The following APOL3 variants were observed in gnomAD, a reference collection of about 807,000 sequenced individuals.
The protein encoded by APOL3 is apolipoprotein L3, also known as TNF-inducible protein CG12-1.
APOL3 carries 14 observed loss-of-function variants against 11.6 expected under a neutral mutation model. The ratio of observed to expected loss-of-function variants is 1.21; its 90% CI spans 0.80 to 1.89. The LOEUF is 1.89. Among genes scored for constraint, APOL3 ranks in the 40% most tolerant of loss-of-function variants. The pLI is 0.00. For missense variants in APOL3, 483 were observed against 492.1 expected (o/e 0.98, Z 0.17); for synonymous variants, 192 against 190.6 (o/e 1.01, Z -0.06).
intron 1 of APOL3, among the ~76,000 whole-genome samples, chr22:36,156,340 T>TTAG (rs1203538036): frequency 1.3e-5 from 2 of 152,150 alleles, no homozygotes; most frequent in East Asian, 3.9e-4. Context: ...CGAGGGATCC[T>TTAG]CCTGCATTAG....
intron 1 of APOL3, 74 bp downstream of exon 1, chr22:36,160,595 G>C: frequency 6.7e-7 from 1 of 1,498,226 alleles, no homozygotes; most frequent in South Asian, 1.1e-5. Context: ...ATCTACAAAA[G>C]GTGAATGACC....
At chr22:36,141,592 T>C (rs1412520956) in exon 3 of APOL3, 2 of 1,614,116 alleles carry the variant, frequency 1.2e-6, no homozygotes, top group Non-Finnish European at 1.7e-6. Context: ...TTGGGTGTGA[T>C]GTCACGCATA....
chr22:36,157,130 A>G, intron 1 of APOL3: 3 of 413,542 alleles, frequency 7.3e-6, no homozygotes, highest in South Asian at 5.0e-5. Context: ...CTTTTGTACG[A>G]GGAGAAAGAA....
At chr22:36,153,536 C>A in intron 1 of APOL3, 1 of 397,416 alleles carries the variant, frequency 2.5e-6, no homozygotes, top group Non-Finnish European at 5.2e-6. Context: ...CACCTTGCCA[C>A]TCAACATACG....
At position 36,149,235 on chromosome 22, in the gene APOL3, G is replaced by A. The variant is rs924924985; in HGVS notation, c.224-3636C>T. On this transcript the variant is annotated intron_variant, in intron 1 of 2. Coordinates refer to ENST00000349314, the Ensembl canonical transcript of APOL3. Reference sequence around the variant, plus strand: ...GGCTGGATCTCTGCAATCCCTTTGCGTGTCAGCAAATGCCAAGACCAACCT... The same window carrying A: ...GGCTGGATCTCTGCAATCCCTTTGCATGTCAGCAAATGCCAAGACCAACCT... 35 of 1,306,730 alleles carry A rather than the reference G, an allele frequency of 2.7e-5. No homozygotes were observed. In the African/African-American group the frequency reaches 3.8e-4, roughly 14 times the overall value. The allele number at this position is 1,306,730 out of a possible 1,614,324, so 80.9% of individuals were successfully genotyped here. A position where few individuals can be genotyped will look rare whatever the true frequency, so the allele number is the denominator to read the frequency against.
chr22:36,149,007 A>G, intron 1 of APOL3, 39 bp downstream of exon 2: 3 of 1,366,474 alleles, frequency 2.2e-6, no homozygotes, highest in South Asian at 1.1e-5. Context: ...TCTAGGTGCG[A>G]GTAGGAACCA....
exon 1 of APOL3, chr22:36,160,710 G>C: frequency 6.2e-7 from 1 of 1,613,990 alleles, no homozygotes; most frequent in Non-Finnish European, 8.5e-7. Flanking sequence ...AGATCCAGCT[G>C]TTCTGAGCTG....
chr22:36,141,537 A>T, exon 3 of APOL3: 2 of 1,614,196 alleles, frequency 1.2e-6, no homozygotes, highest in Non-Finnish European at 1.7e-6. Flanking sequence ...TTCACTCCCA[A>T]TGGTTTGTGT....
At chr22:36,159,003 G>A (rs2013368907) in intron 1 of APOL3, among the ~76,000 whole-genome samples, 1 of 152,082 alleles carries the variant, frequency 6.6e-6, no homozygotes, top group African/African-American at 2.4e-5. Flanking sequence ...ATTTGTGAGT[G>A]TGTGTGTGGC....
chr22:36,155,572 A>T (rs150769940), intron 1 of APOL3: 1 of 153,802 alleles, frequency 6.5e-6, no homozygotes, highest in Admixed American at 6.5e-5. Flanking sequence ...TAAGGGTGAT[A>T]GAAGGAGGGC....
chr22:36,157,745 T>C (rs1196278290), intron 1 of APOL3, among the ~76,000 whole-genome samples: 2 of 152,200 alleles, frequency 1.3e-5, no homozygotes, highest in African/African-American at 4.8e-5. Flanking sequence ...ATGAAAAGAC[T>C]GAAATCAAGT....
chr22:36,160,636 G>A (rs1481786540), intron 1 of APOL3, 33 bp downstream of exon 1: 1 of 1,603,528 alleles, frequency 6.2e-7, no homozygotes, highest in Admixed American at 1.7e-5. Flanking sequence ...TGAGGATGGG[G>A]AGATGGGGAA....
At chr22:36,151,042 G>T (rs2060412907) in intron 1 of APOL3, among the ~76,000 whole-genome samples, 1 of 152,182 alleles carries the variant, frequency 6.6e-6, no homozygotes, top group South Asian at 2.1e-4. Context: ...ATTCAGCCAA[G>T]AATTGCCTGC....
chr22:36,141,680 T>G (rs749487452), exon 3 of APOL3: 2 of 1,614,100 alleles, frequency 1.2e-6, no homozygotes, highest in Non-Finnish European at 1.7e-6. Context: ...ATGATGTGTA[T>G]GAGTGCTCCA....
chr22:36,141,888 G>T lies in APOL3; in HGVS notation c.521C>A (p.Ala174Glu), dbSNP rs1327645042. Residue 174 changes from alanine (A) to glutamate (E), a missense_variant, in exon 3 of 3, where the codon GCA (alanine) becomes GAA (glutamate). Transcript: ENST00000349314. ...TCTGTGGACCTCTTCAATACCATTT[G>T]CAAGGGCACGAAGCTTTTCTATGGA... 5 of 1,614,100 alleles carry T rather than the reference G, an allele frequency of 3.1e-6. No homozygotes were observed. In the Admixed American group the frequency reaches 8.3e-5, roughly 27 times the overall value.
At chr22:36,163,053 T>C (rs919454353), upstream of APOL3, among the ~76,000 whole-genome samples, 4 of 152,200 alleles carry the variant, frequency 2.6e-5, no homozygotes, top group African/African-American at 9.7e-5. Context: ...AGAAATCTTC[T>C]CTGGATTTAG....
chr22:36,161,534 C>G (rs971813456), upstream of APOL3: 1 of 153,662 alleles, frequency 6.5e-6, no homozygotes. Flanking sequence ...CCAGGAGCAC[C>G]TGCTACCTTC....
intron 1 of APOL3, among the ~76,000 whole-genome samples, chr22:36,148,794 G>A (rs11704527): frequency 0.18 from 27,983 of 152,184 alleles, 2,987 homozygotes; most frequent in Non-Finnish European, 0.25. Context: ...CACTTGAGTC[G>A]TTTGCTAGGT....
chr22:36,145,235 C>T (rs1169021351), intron 2 of APOL3, among the ~76,000 whole-genome samples: 3 of 152,152 alleles, frequency 2.0e-5, no homozygotes, highest in Non-Finnish European at 4.4e-5. Context: ...GCTCCCATCA[C>T]CAGTAGATGG....
Sources: gnomAD v4.1 joint callset for allele counts (sites outside exome capture counted in the v4.1 genomes callset) on GRCh38, gnomAD v4.1.1 for gene constraint, MANE v1.5 for transcripts, NCBI Gene and HGNC (gene_info 2026-07-23, HGNC 2026-07-21) for gene names.